Variants in IL1RAPL1 observed in about 807,000 individuals in gnomAD.
IL1RAPL1 encodes interleukin-1 receptor accessory protein-like 1.
IL1RAPL1 carries 3 observed loss-of-function variants against 48.4 expected under a neutral mutation model. The observed-to-expected ratio is 0.06, with a 90% CI of 0.03 to 0.16. The LOEUF (loss-of-function observed/expected upper bound fraction) is 0.16, where lower values mean the gene tolerates loss of function less well. IL1RAPL1 is among the 10% of genes least tolerant of loss of function. The pLI is 1.00. For missense variants in IL1RAPL1, 349 were observed against 530.6 expected, an observed-to-expected ratio of 0.66 and a Z score of 3.36; for synonymous variants, 185 against 187.7, an observed-to-expected ratio of 0.99 and a Z score of 0.12.
intron 1 of IL1RAPL1, among the ~76,000 whole-genome samples, chrX:28,656,444 C>T (rs1569146398): frequency 9.0e-6 from 1 of 110,996 alleles, no homozygotes; most frequent in Admixed American, 9.6e-5. Context: ...AGTGCCTTCC[C>T]AGTTGTTTAG....
intron 2 of IL1RAPL1, among the ~76,000 whole-genome samples, chrX:28,868,080 T>C (rs1171532355): frequency 3.6e-5 from 4 of 111,615 alleles, no homozygotes; most frequent in East Asian, 2.8e-4. Context: ...TTTATATCAG[T>C]TTATGACAGT....
Position 29,045,950 on chromosome X carries a change from C to CTCCTCCTCCTTCT in IL1RAPL1, c.83-236978_83-236977insTCTTCCTCCTCCT, listed in dbSNP as rs1555956649. 2.2e-3 allele frequency among the ~76,000 whole-genome samples: 158 copies of CTCCTCCTCCTTCT among 72,219 alleles called. 7 individuals are homozygous for CTCCTCCTCCTTCT. Among genetic ancestry groups the CTCCTCCTCCTTCT allele is most frequent in the African/African-American group, 8.6e-3 (143 of 16,571 alleles). The allele number at this position is 72,219 out of a possible 115,157, so 62.7% of individuals were successfully genotyped here. A position where few individuals can be genotyped will look rare whatever the true frequency, so the allele number is the denominator to read the frequency against. On this transcript the variant is annotated intron_variant, in intron 2 of 10. Coordinates refer to ENST00000378993, the MANE Select transcript of IL1RAPL1 (RefSeq NM_014271.4). ...CTCCTCCTCCTCCTTCTTCCTCCTC[C>CTCCTCCTCCTTCT]TCCTCCTCCTCCTCCTTCTTCTCCT...
chrX:29,644,979 A>G (rs1354319954), intron 5 of IL1RAPL1, among the ~76,000 whole-genome samples: 1 of 113,263 alleles, frequency 8.8e-6, no homozygotes, highest in East Asian at 2.8e-4. Flanking sequence ...ATGCTAGGCT[A>G]ATCACTGGCA....
At chrX:28,895,181 G>A (rs967533524) in intron 2 of IL1RAPL1, among the ~76,000 whole-genome samples, 7 of 110,773 alleles carry the variant, frequency 6.3e-5, no homozygotes, top group Non-Finnish European at 5.7e-5. Flanking sequence ...CACGGGGTGG[G>A]TAGGCAAAAC....
intron 6 of IL1RAPL1, among the ~76,000 whole-genome samples, chrX:29,805,592 T>C (rs967581833): frequency 4.5e-5 from 5 of 111,870 alleles, no homozygotes; most frequent in African/African-American, 1.6e-4. Context: ...TTATTCTATA[T>C]TACCAAAGAA....
At chrX:29,128,706 A>G (rs1928951115) in intron 2 of IL1RAPL1, among the ~76,000 whole-genome samples, 1 of 111,305 alleles carries the variant, frequency 9.0e-6, no homozygotes, top group Non-Finnish European at 1.9e-5. Flanking sequence ...GTTATTCACC[A>G]TTGTTTCCTC....
chrX:29,297,071 A>G (rs1055803208), intron 3 of IL1RAPL1, among the ~76,000 whole-genome samples: 1 of 111,894 alleles, frequency 8.9e-6, no homozygotes, highest in Admixed American at 9.5e-5. Context: ...TTTCTCATGA[A>G]GGTCCCAAAA....
chrX:28,699,104 T>A (rs1277901724), intron 1 of IL1RAPL1, among the ~76,000 whole-genome samples: 2 of 112,338 alleles, frequency 1.8e-5, no homozygotes, highest in African/African-American at 6.5e-5. Flanking sequence ...TCACTATTCA[T>A]AAATGCACAT....
chrX:29,127,421 T>C (rs977735731), intron 2 of IL1RAPL1, among the ~76,000 whole-genome samples: 15 of 111,929 alleles, frequency 1.3e-4, no homozygotes, highest in African/African-American at 4.9e-4. Context: ...GAATCCCTGC[T>C]CTTGTAAATG....
chrX:28,979,766 T>C (rs781384836), intron 2 of IL1RAPL1, among the ~76,000 whole-genome samples: 1 of 112,282 alleles, frequency 8.9e-6, no homozygotes, highest in East Asian at 2.8e-4. Flanking sequence ...GATGGTTGTT[T>C]TTTGTTTTCC....
chrX:29,498,298 T>TGTGTGAAG (rs1226524650), intron 5 of IL1RAPL1, among the ~76,000 whole-genome samples: 5 of 111,328 alleles, frequency 4.5e-5, no homozygotes, highest in African/African-American at 1.3e-4. Context: ...CTCTTGGCCA[T>TGTGTGAAG]GTGTGAAGGA....
At chrX:29,557,644 C>T (rs1922046715) in intron 5 of IL1RAPL1, among the ~76,000 whole-genome samples, 1 of 111,314 alleles carries the variant, frequency 9.0e-6, no homozygotes, top group South Asian at 3.7e-4. Context: ...ATCACTGAAA[C>T]TTTGTACACT....
intron 5 of IL1RAPL1, among the ~76,000 whole-genome samples, chrX:29,637,675 T>G (rs897836935): frequency 9.0e-6 from 1 of 111,680 alleles, no homozygotes; most frequent in African/African-American, 3.3e-5. Flanking sequence ...ATAGCTCTCA[T>G]AAGAATTAAG....
At chrX:29,922,375 C>T (rs147471661) in intron 8 of IL1RAPL1, among the ~76,000 whole-genome samples, 5,057 of 111,618 alleles carry the variant, frequency 0.045, 299 homozygotes, top group African/African-American at 0.16. Context: ...TTCAAATATG[C>T]GTTTATACCA....
At chrX:29,171,405 A>T (rs757632921) in intron 2 of IL1RAPL1, among the ~76,000 whole-genome samples, 1 of 111,488 alleles carries the variant, frequency 9.0e-6, no homozygotes, top group East Asian at 2.8e-4. Flanking sequence ...TCACCCATAA[A>T]ATCGGTGTTA....
At chrX:29,367,075 T>C (rs1035227010) in intron 3 of IL1RAPL1, among the ~76,000 whole-genome samples, 1 of 111,618 alleles carries the variant, frequency 9.0e-6, no homozygotes, top group African/African-American at 3.3e-5. Flanking sequence ...ATATATTGTT[T>C]AGAAGCTGTG....
chrX:29,359,800 CT>C (rs1185575699), intron 3 of IL1RAPL1, among the ~76,000 whole-genome samples: 1 of 111,555 alleles, frequency 9.0e-6, no homozygotes, highest in Non-Finnish European at 1.9e-5. Flanking sequence ...CATACTCCAG[CT>C]TTTCCCCCCA....
chrX:29,476,896 C>A (rs1934981977), intron 5 of IL1RAPL1, among the ~76,000 whole-genome samples: 1 of 21,071 alleles, frequency 4.7e-5, no homozygotes, highest in East Asian at 2.1e-3. Flanking sequence ...TTTTTTGAGA[C>A]GGAGTCTCGC....
At chrX:29,129,682 C>T (rs948508690) in intron 2 of IL1RAPL1, among the ~76,000 whole-genome samples, 2 of 101,156 alleles carry the variant, frequency 2.0e-5, no homozygotes, top group South Asian at 4.8e-4. Context: ...GCAAGCTCCA[C>T]CTCCTGGGTT....
Sources: gnomAD v4.1 joint callset for allele counts (sites outside exome capture counted in the v4.1 genomes callset) on GRCh38, gnomAD v4.1.1 for gene constraint, MANE v1.5 for transcripts, NCBI Gene and HGNC (gene_info 2026-07-23, HGNC 2026-07-21) for gene names.